The following TNRC6B variants were observed in gnomAD, a reference collection of about 807,000 sequenced individuals.
TNRC6B encodes the protein trinucleotide repeat-containing gene 6B protein.
TNRC6B carries 52 observed loss-of-function variants against 203.6 expected under a neutral mutation model. The observed-to-expected ratio is 0.26, with a 90% CI of 0.20 to 0.32. The LOEUF is 0.32. Among genes scored for constraint, TNRC6B ranks in the 10% least tolerant of loss-of-function variants. TNRC6B has a pLI of 1.00. For synonymous variants in TNRC6B, 838 were observed against 845.7 expected (o/e 0.99, Z 0.16); for missense variants, 1,923 against 2,286.2 (o/e 0.84, Z 3.24).
At chr22:40,175,209 T>G, upstream of TNRC6B, among the ~76,000 whole-genome samples, 1 of 151,658 alleles carries the variant, frequency 6.6e-6, no homozygotes, top group African/African-American at 2.4e-5. Flanking sequence ...ATACAAAAAT[T>G]ATCTGGGCAT....
intron 1 of TNRC6B, among the ~76,000 whole-genome samples, chr22:40,198,067 T>G (rs2069364460): frequency 6.6e-6 from 1 of 152,138 alleles, no homozygotes; most frequent in African/African-American, 2.4e-5. Flanking sequence ...TTGTAATTCT[T>G]AAAGCATAAT....
rs377261993 is a variant in TNRC6B at position 40,068,234 on chromosome 22, A to T, written c.-121+23236A>T. ...TAATTTCATCTTTTTAGTTAACTGTATAGTTTCACAGTTCCTTTATAGTGA... is the reference window on the plus strand; with the variant it reads ...TAATTTCATCTTTTTAGTTAACTGTTTAGTTTCACAGTTCCTTTATAGTGA... On this transcript the variant is annotated intron_variant, in intron 1 of 23. Coordinates refer to the TNRC6B transcript ENST00000301923. 1.4e-4 allele frequency among the ~76,000 whole-genome samples: 22 copies of T among 152,174 alleles called. 1 individual carries two copies. Among genetic ancestry groups the T allele is most frequent in the African/African-American group, 5.3e-4 (22 of 41,392 alleles).
chr22:40,179,085 G>A (rs561800421), intron 1 of TNRC6B, among the ~76,000 whole-genome samples: 1 of 152,278 alleles, frequency 6.6e-6, no homozygotes, highest in East Asian at 1.9e-4. Flanking sequence ...CTGCGAAGTG[G>A]TCATTTAGGG....
intron 3 of TNRC6B, among the ~76,000 whole-genome samples, chr22:40,132,937 C>CT (rs1226404555): frequency 1.4e-5 from 1 of 69,528 alleles, no homozygotes; most frequent in Non-Finnish European, 2.8e-5. Flanking sequence ...GAGCAAGACT[C>CT]TGTCTCAAAA....
intron 4 of TNRC6B, among the ~76,000 whole-genome samples, chr22:40,168,763 T>C (rs2068944052): frequency 6.6e-6 from 1 of 152,186 alleles, no homozygotes. Flanking sequence ...GTACCGAAGT[T>C]GGTAAAACTT....
chr22:40,170,301 A>G (rs1238893389), intron 4 of TNRC6B, among the ~76,000 whole-genome samples: 1 of 118,418 alleles, frequency 8.4e-6, no homozygotes, highest in Non-Finnish European at 1.6e-5. Context: ...ATATATATAT[A>G]TAATATATAT....
intron 11 of TNRC6B, among the ~76,000 whole-genome samples, chr22:40,282,652 A>C (rs926293653): frequency 6.6e-5 from 10 of 152,196 alleles, no homozygotes; most frequent in Non-Finnish European, 1.0e-4. Context: ...CTCTAAAAAA[A>C]GGTCATTCTT....
chr22:40,190,179 A>G (rs933414155), intron 1 of TNRC6B, among the ~76,000 whole-genome samples: 3 of 152,174 alleles, frequency 2.0e-5, no homozygotes, highest in Non-Finnish European at 4.4e-5. Context: ...TTATTTATTG[A>G]CTACCAAGAT....
intron 1 of TNRC6B, among the ~76,000 whole-genome samples, chr22:40,084,898 C>A (rs1011568826): frequency 3.3e-5 from 5 of 152,146 alleles, no homozygotes; most frequent in Admixed American, 2.0e-4. Flanking sequence ...CAAGATGGCC[C>A]AGTGGTCCTT....
intron 15 of TNRC6B, among the ~76,000 whole-genome samples, chr22:40,306,106 C>T (rs1601509674): frequency 6.6e-6 from 1 of 151,932 alleles, no homozygotes; most frequent in South Asian, 2.1e-4. Flanking sequence ...TCCTGGCTAA[C>T]ACGATGAAAC....
chr22:40,182,114 G>A (rs965517073), intron 1 of TNRC6B, among the ~76,000 whole-genome samples: 1 of 151,930 alleles, frequency 6.6e-6, no homozygotes, highest in Non-Finnish European at 1.5e-5. Context: ...GGGTGGTGGC[G>A]CCTGCCTGTA....
chr22:40,081,203 C>T (rs373582134), intron 1 of TNRC6B, among the ~76,000 whole-genome samples: 67 of 152,214 alleles, frequency 4.4e-4, no homozygotes, highest in African/African-American at 1.6e-3. Context: ...TGTCTCATAG[C>T]CTAAGCCCTA....
At chr22:40,119,939 C>T (rs916205093) in intron 2 of TNRC6B, among the ~76,000 whole-genome samples, 1 of 150,776 alleles carries the variant, frequency 6.6e-6, no homozygotes, top group Non-Finnish European at 1.5e-5. Context: ...AAACTAAGGA[C>T]AGCTCCAAAA....
At position 40,147,290 on chromosome 22, in the gene TNRC6B, G is replaced by T. The variant is rs135629; in HGVS notation, c.46-8825G>T. 2.6e-5 allele frequency among the ~76,000 whole-genome samples: 4 copies of T among 152,268 alleles called. No individual in the cohort carries two copies. The South Asian group carries it at 6.2e-4, about 24-fold the overall frequency. On this transcript the variant is annotated intron_variant, in intron 3 of 23. Coordinates refer to the TNRC6B transcript ENST00000301923. ...AGTGGAATGGTGCTTGTTAGGGACT[G>T]GGGGGAGCAGGGACTGGGGAGTTAC...
chr22:40,216,275 T>C (rs756503784), intron 1 of TNRC6B, among the ~76,000 whole-genome samples: 5 of 152,172 alleles, frequency 3.3e-5, no homozygotes, highest in Non-Finnish European at 7.4e-5. Context: ...CCCGACCGCA[T>C]GCACTCCCAG....
chr22:40,135,381 G>A (rs1195595494), intron 3 of TNRC6B, among the ~76,000 whole-genome samples: 1 of 152,142 alleles, frequency 6.6e-6, no homozygotes, highest in Non-Finnish European at 1.5e-5. Flanking sequence ...AGGGAGACGG[G>A]GGCATGGCAG....
chr22:40,213,568 C>T (rs1276599071), intron 1 of TNRC6B, among the ~76,000 whole-genome samples: 1 of 152,142 alleles, frequency 6.6e-6, no homozygotes, highest in Non-Finnish European at 1.5e-5. Flanking sequence ...ACTCTGGCTG[C>T]TCTGTAGAAA....
At chr22:40,235,068 T>A (rs2069929411) in intron 1 of TNRC6B, among the ~76,000 whole-genome samples, 1 of 152,214 alleles carries the variant, frequency 6.6e-6, no homozygotes, top group African/African-American at 2.4e-5. Context: ...TACCCCAAAT[T>A]TGCGTGTGGT....
At chr22:40,239,869 G>A (rs899032580) in intron 1 of TNRC6B, among the ~76,000 whole-genome samples, 6 of 151,678 alleles carry the variant, frequency 4.0e-5, no homozygotes, top group Non-Finnish European at 1.5e-5. Context: ...ACCGAGTCTC[G>A]CTTTGTCTCC....
Sources: allele counts gnomAD v4.1 joint callset (sites outside exome capture counted in the v4.1 genomes callset), GRCh38; gene constraint gnomAD v4.1.1; transcripts MANE v1.5; gene names NCBI Gene and HGNC (gene_info 2026-07-23, HGNC 2026-07-21).